Variants in MYEF2 observed in about 807,000 individuals in gnomAD.
MYEF2 encodes the protein myelin gene expression factor 2.
Under a neutral mutation model 75.2 loss-of-function variants are expected in MYEF2, and 37 were observed. The observed-to-expected ratio is 0.49, with a 90% CI of 0.38 to 0.65. MYEF2 has a LOEUF of 0.65. Among genes scored for constraint, MYEF2 ranks in the 30% least tolerant of loss-of-function variants. The pLI is 0.00. For synonymous variants in MYEF2, 195 were observed against 241.6 expected (o/e 0.81, Z 1.79); for missense variants, 634 against 771.4 (o/e 0.82, Z 2.11).
At chr15:48,170,899 T>C (rs1202351068) in intron 1 of MYEF2, among the ~76,000 whole-genome samples, 1 of 152,186 alleles carries the variant, frequency 6.6e-6, no homozygotes, top group Non-Finnish European at 1.5e-5. Flanking sequence ...AGCACAGATG[T>C]TGCCAGAAAA....
rs770175810 is a variant in MYEF2, at chr15:48,149,362, A to G, written c.1388T>C (p.Met463Thr). ...GPVGSGISGG[M>T]GSMNSVTGGM... ...TCCAGTCACACTGTTCATGCTACCC[A>G]TTCCACCACCTGGATTTTCAAGAAA... Residue 463 changes from methionine (M) to threonine (T), a missense_variant, in exon 15 of 17, where the codon ATG (methionine) becomes ACG (threonine). Met to Thr is a moderately conservative substitution (Grantham distance 81). Coordinates refer to ENST00000324324, the MANE Select transcript of MYEF2 (RefSeq NM_016132.5). The surrounding 1 kb of genome is among the most constrained non-coding windows in gnomAD (Gnocchi z 4.0). The G allele has an allele frequency of 1.5e-5, 24 of 1,611,888 alleles. No individual in the cohort carries two copies. Among genetic ancestry groups the G allele is most frequent in the Non-Finnish European group, 2.0e-5 (24 of 1,178,680 alleles).
chr15:48,172,130 T>C (rs950326075), intron 1 of MYEF2, among the ~76,000 whole-genome samples: 3 of 152,182 alleles, frequency 2.0e-5, no homozygotes, highest in African/African-American at 7.2e-5. Flanking sequence ...CCAGGTGCAG[T>C]GGCTCACATC....
At chr15:48,167,214 A>T in intron 3 of MYEF2, 135 bp downstream of exon 3, 2 of 809,610 alleles carry the variant, frequency 2.5e-6, no homozygotes, top group South Asian at 1.7e-5. Context: ...TTGCTGGTAT[A>T]GAGCCTCAAA....
chr15:48,143,117 C>A, intron 16 of MYEF2, 46 bp from the exon 17 acceptor site: 1 of 1,347,134 alleles, frequency 7.4e-7, no homozygotes, highest in Non-Finnish European at 9.8e-7. Flanking sequence ...TAAATAAGTT[C>A]TATTTCACTT....
At chr15:48,160,876 A>G (rs576476346) in intron 5 of MYEF2, among the ~76,000 whole-genome samples, 1 of 19,784 alleles carries the variant, frequency 5.1e-5, no homozygotes, top group Admixed American at 3.5e-4. Flanking sequence ...AAGGATTACA[A>G]AAGAAAAAAA....
At chr15:48,152,522 C>T in intron 10 of MYEF2, 1 of 429,374 alleles carries the variant, frequency 2.3e-6, no homozygotes, top group African/African-American at 2.1e-5. Context: ...TCACTAGTAA[C>T]ACCCACAACA....
At chr15:48,174,601 T>A (rs540723515) in intron 1 of MYEF2, among the ~76,000 whole-genome samples, 1 of 151,820 alleles carries the variant, frequency 6.6e-6, no homozygotes, top group Non-Finnish European at 1.5e-5. Context: ...TACAACTCAA[T>A]AGCAACCCAA....
At position 48,135,075 on chromosome 15, in the gene MYEF2, CACTT is replaced by C; in HGVS notation, c.*7829_*7832del. On this transcript the variant is annotated 3_prime_UTR_variant, in exon 17 of 17. Transcript: ENST00000324324. The stretch of plus-strand genomic sequence containing the variant: ...TTTTTTTCAGAAATGTTATTTCAGT[CACTT>C]AATCTGCCACTTCTATACCATATTC... 1.1e-6 allele frequency: 1 copy of C among 938,704 alleles called. No individual in the cohort carries two copies. The allele number at this position is 938,704 out of a possible 1,614,324, so 58.1% of individuals were successfully genotyped here. A position where few individuals can be genotyped will look rare whatever the true frequency, so the allele number is the denominator to read the frequency against.
intron 16 of MYEF2, among the ~76,000 whole-genome samples, chr15:48,144,608 A>G (rs901776126): frequency 5.3e-5 from 8 of 152,000 alleles, no homozygotes; most frequent in African/African-American, 1.9e-4. Context: ...AATGGGGAAA[A>G]AAAGCAAAAA....
At chr15:48,156,398 A>C (rs553349211) in intron 9 of MYEF2, among the ~76,000 whole-genome samples, 1 of 152,214 alleles carries the variant, frequency 6.6e-6, no homozygotes, top group South Asian at 2.1e-4. Flanking sequence ...GAATTTTTAA[A>C]ACAGAAACAT....
chr15:48,159,045 T>TTTCAAATTCA lies in MYEF2; in HGVS notation c.718-124_718-123insTGAATTTGAA, dbSNP rs2039827888. The TTTCAAATTCA allele has an allele frequency of 7.6e-6, 6 of 793,664 alleles. No individual in the cohort carries two copies. The Admixed American group carries it at 1.5e-4, about 20-fold the overall frequency. The allele number at this position is 793,664 out of a possible 1,614,324, so 49.2% of individuals were successfully genotyped here. A position where few individuals can be genotyped will look rare whatever the true frequency, so the allele number is the denominator to read the frequency against. On this transcript the variant is annotated intron_variant, in intron 6 of 16. Coordinates refer to ENST00000324324, the MANE Select transcript of MYEF2 (RefSeq NM_016132.5). ...CCATAATTCTAGTTCAACAATATATTGATAATGTTCAAATTTTAAAACATC... is the reference window on the plus strand; with the variant it reads ...CCATAATTCTAGTTCAACAATATATTTTCAAATTCAGATAATGTTCAAATTTTAAAACATC...
chr15:48,148,695 GAA>G (rs968724233), intron 16 of MYEF2, among the ~76,000 whole-genome samples: 2 of 151,792 alleles, frequency 1.3e-5, no homozygotes, highest in African/African-American at 4.8e-5. Context: ...TTTCTCATGA[GAA>G]AAAAAGTTTA....
chr15:48,141,414 T>A lies in MYEF2; in HGVS notation c.*1494A>T. 2.8e-6 allele frequency: 1 copy of A among 360,788 alleles called. No homozygotes were observed. Among genetic ancestry groups the A allele is most frequent in the Non-Finnish European group, 5.2e-6 (1 of 193,780 alleles). The allele number at this position is 360,788 out of a possible 1,614,324, so 22.3% of individuals were successfully genotyped here. ...CAACATGGTGAAACCCAGTCTCTAC[T>A]AAAAATACAAAAATTAGCCGGGCGT... On this transcript the variant is annotated 3_prime_UTR_variant, in exon 17 of 17. Transcript: ENST00000324324.
chr15:48,149,245 T>A lies in MYEF2; in HGVS notation c.1505A>T (p.Asp502Val). ...GAILERSIDM[D>V]RGFLSGPMGS... ...CATTGGACCCGATAAAAATCCTCGA[T>A]CCATATCGATGCTCCTTTCCAGTAT... Residue 502 changes from aspartate (D) to valine (V), a missense_variant, in exon 15 of 17, where the codon GAT becomes GTT. Transcript: ENST00000324324. This position sits in a 1 kb window ranked among gnomAD's most constrained non-coding sequence, Gnocchi z 4.0. 6.2e-7 allele frequency: 1 copy of A among 1,613,442 alleles called. No individual in the cohort carries two copies. The highest frequency in any genetic ancestry group is 8.5e-7 in the Non-Finnish European group (1 of 1,179,564).
In MYEF2 at chr15:48,135,640, T is replaced by C. The variant is rs2038876790; in HGVS notation, c.*7268A>G. Reference sequence around the variant, plus strand: ...TCACTATGCTAGATATCATAAGGGATAATGAAATGTAAAACACAGCTACAC... The same window carrying C: ...TCACTATGCTAGATATCATAAGGGACAATGAAATGTAAAACACAGCTACAC... On this transcript the variant is annotated 3_prime_UTR_variant, in exon 17 of 17. Coordinates refer to ENST00000324324, the MANE Select transcript of MYEF2 (RefSeq NM_016132.5). The C allele has an allele frequency of 6.6e-6, 1 of 151,242 alleles. No homozygotes were observed. The highest frequency in any genetic ancestry group is 2.4e-5 in the African/African-American group (1 of 41,082). 9.4% of individuals were successfully genotyped at this position (151,242 alleles called of 1,614,324 possible). A position where few individuals can be genotyped will look rare whatever the true frequency, so the allele number is the denominator to read the frequency against.
chr15:48,177,967 G>T, intron 1 of MYEF2, 110 bp downstream of exon 1: 1 of 1,396,418 alleles, frequency 7.2e-7, no homozygotes, highest in Non-Finnish European at 9.6e-7. Context: ...CCGGGGGCGG[G>T]CCGGGGTCTG....
intron 1 of MYEF2, among the ~76,000 whole-genome samples, chr15:48,177,229 G>A (rs1216268402): frequency 6.6e-6 from 1 of 152,136 alleles, no homozygotes; most frequent in Non-Finnish European, 1.5e-5. Flanking sequence ...AGGAACAAAG[G>A]AGAGCATAAC....
At chr15:48,177,526 A>G (rs1285149413) in intron 1 of MYEF2, among the ~76,000 whole-genome samples, 2 of 152,220 alleles carry the variant, frequency 1.3e-5, no homozygotes, top group African/African-American at 4.8e-5. Context: ...GTCTAACAGC[A>G]CATTATTAAA....
At position 48,134,965 on chromosome 15, in the gene MYEF2, T is replaced by C. The variant is rs751946655; in HGVS notation, c.*7943A>G. 6.2e-7 allele frequency: 1 copy of C among 1,609,568 alleles called. No homozygotes were observed. Among genetic ancestry groups the C allele is most frequent in the Non-Finnish European group, 8.5e-7 (1 of 1,176,630 alleles). ...TGCAGCAGCAGTTCTTGGTATAATA[T>C]ATGACAACCAAGTTTACTGGTAAGC... On this transcript the variant is annotated 3_prime_UTR_variant, in exon 17 of 17. Coordinates refer to ENST00000324324, the MANE Select transcript of MYEF2 (RefSeq NM_016132.5).
Sources: allele counts gnomAD v4.1 joint callset (sites outside exome capture counted in the v4.1 genomes callset), GRCh38; gene constraint gnomAD v4.1.1; non-coding constraint Gnocchi (gnomAD v3.1); transcripts MANE v1.5; gene names NCBI Gene and HGNC (gene_info 2026-07-23, HGNC 2026-07-21).